IGFBP2: variants seen among roughly 807,000 people sequenced by gnomAD.
IGFBP2 encodes insulin like growth factor binding protein 2.
IGFBP2 carries 12 observed loss-of-function variants against 26.2 expected under a neutral mutation model. The observed-to-expected ratio is 0.46, with a 90% CI of 0.29 to 0.74. IGFBP2 has a LOEUF of 0.74. Ranked by LOEUF, IGFBP2 falls within the 30% of genes least tolerant of loss-of-function variation. The pLI is 0.09. For synonymous variants in IGFBP2, 189 were observed against 200.6 expected, an observed-to-expected ratio of 0.94 and a Z score of 0.49; for missense variants, 328 against 441.2, an observed-to-expected ratio of 0.74 and a Z score of 2.30.
intron 1 of IGFBP2, among the ~76,000 whole-genome samples, chr2:216,657,516 G>A (rs575427962): frequency 3.3e-5 from 5 of 152,138 alleles, no homozygotes; most frequent in East Asian, 1.9e-4. Context: ...GAAATCTGCC[G>A]CACGGTGGGG....
At chr2:216,650,908 G>A (rs1697807085) in intron 1 of IGFBP2, among the ~76,000 whole-genome samples, 3 of 152,300 alleles carry the variant, frequency 2.0e-5, no homozygotes, top group Non-Finnish European at 2.9e-5. Context: ...GGCTCAGGGG[G>A]TGAGAAGGAA....
chr2:216,634,770 CT>C (rs1220959075), intron 1 of IGFBP2, among the ~76,000 whole-genome samples: 3 of 142,260 alleles, frequency 2.1e-5, no homozygotes, highest in Non-Finnish European at 4.6e-5. Flanking sequence ...ACCCCCGCCC[CT>C]ATCTTAAATT....
intron 1 of IGFBP2, among the ~76,000 whole-genome samples, chr2:216,647,608 C>T (rs1022846732): frequency 6.6e-6 from 1 of 152,210 alleles, no homozygotes; most frequent in African/African-American, 2.4e-5. Flanking sequence ...CAAGCTCCGC[C>T]TCCCGGGTTT....
At chr2:216,649,008 A>G (rs1487905698) in intron 1 of IGFBP2, among the ~76,000 whole-genome samples, 1 of 152,162 alleles carries the variant, frequency 6.6e-6, no homozygotes, top group Non-Finnish European at 1.5e-5. Flanking sequence ...GGCGGTTGAT[A>G]TTTTGTCCAC....
chr2:216,657,569 G>A (rs1697942430), intron 1 of IGFBP2, among the ~76,000 whole-genome samples: 1 of 152,106 alleles, frequency 6.6e-6, no homozygotes, highest in Admixed American at 6.5e-5. Context: ...AGGCAGCTGA[G>A]CAGGGGCACT....
intron 3 of IGFBP2, 76 bp downstream of exon 3, chr2:216,662,074 A>T (rs939549582): frequency 6.8e-7 from 1 of 1,479,936 alleles, no homozygotes; most frequent in Non-Finnish European, 9.2e-7. Context: ...TTTCTGCCCC[A>T]CCCGCCTATG....
chr2:216,650,040 A>G (rs1697789059), intron 1 of IGFBP2, among the ~76,000 whole-genome samples: 1 of 152,228 alleles, frequency 6.6e-6, no homozygotes, highest in African/African-American at 2.4e-5. Flanking sequence ...AAGAAGAGGC[A>G]TTGTTCTCGC....
Position 216,660,833 on chromosome 2 carries a change from G to A in IGFBP2, c.672+47G>A, listed in dbSNP as rs1430634082. 2.0e-6 allele frequency: 3 copies of A among 1,465,170 alleles called. No individual in the cohort carries two copies. In the Admixed American group the frequency reaches 5.9e-5, roughly 29 times the overall value. The allele number at this position is 1,465,170 out of a possible 1,614,324, so 90.8% of individuals were successfully genotyped here. Reference sequence around the variant, plus strand: ...TGGAAGGGGTGGGAGGACAAGGAAAGTGGGGTCTCAGCTGGAGGAGGGCAT... The same window carrying A: ...TGGAAGGGGTGGGAGGACAAGGAAAATGGGGTCTCAGCTGGAGGAGGGCAT... On this transcript the variant is annotated intron_variant, in intron 2 of 3. Coordinates refer to ENST00000233809, the MANE Select transcript of IGFBP2 (RefSeq NM_000597.3).
In IGFBP2 at chr2:216,658,613, G is replaced by A. The variant is rs534106934; in HGVS notation, c.443-1944G>A. Among the ~76,000 whole-genome samples, 6 of 152,058 alleles carry A rather than the reference G, an allele frequency of 3.9e-5. No homozygotes were observed. The South Asian group carries it at 1.0e-3, about 26-fold the overall frequency. ...CGCCCAGGCTGGAGTACAATGGTGC[G>A]ATCTCAGCTCACTGCAACCTCCACC... On this transcript the variant is annotated intron_variant, in intron 1 of 3. Transcript: ENST00000233809.
At chr2:216,647,824 T>G (rs1367658166) in intron 1 of IGFBP2, among the ~76,000 whole-genome samples, 3 of 152,116 alleles carry the variant, frequency 2.0e-5, no homozygotes, top group Non-Finnish European at 4.4e-5. Context: ...CCGGCCCTTA[T>G]TTATTTGTTT....
intron 1 of IGFBP2, among the ~76,000 whole-genome samples, chr2:216,648,806 A>G (rs932612129): frequency 1.3e-5 from 2 of 152,046 alleles, no homozygotes; most frequent in African/African-American, 4.8e-5. Flanking sequence ...ACGGGGTTTC[A>G]CCATATTGGC....
intron 1 of IGFBP2, among the ~76,000 whole-genome samples, chr2:216,641,334 C>A (rs997343026): frequency 2.4e-4 from 37 of 152,308 alleles, no homozygotes; most frequent in African/African-American, 7.9e-4. Context: ...GTACTAATCA[C>A]CCAAGGTAAG....
intron 1 of IGFBP2, among the ~76,000 whole-genome samples, chr2:216,637,881 A>AGTTCAGTGGCACGATCTCGGCTCACTGC (rs1697530962): frequency 6.6e-6 from 1 of 152,188 alleles, no homozygotes; most frequent in African/African-American, 2.4e-5. Flanking sequence ...CAGAGGCTGG[A>AGTTCAGTGGCACGATCTCGGCTCACTGC]AATTAGTTCT....
chr2:216,650,545 G>A (rs1468627725), intron 1 of IGFBP2, among the ~76,000 whole-genome samples: 1 of 152,204 alleles, frequency 6.6e-6, no homozygotes, highest in Non-Finnish European at 1.5e-5. Flanking sequence ...TCTCCTGTAG[G>A]TGTTTTGTCA....
At chr2:216,642,238 T>A (rs542855687) in intron 1 of IGFBP2, among the ~76,000 whole-genome samples, 1 of 151,350 alleles carries the variant, frequency 6.6e-6, no homozygotes, top group Non-Finnish European at 1.5e-5. Flanking sequence ...GACCTCATGA[T>A]CCGCCCACCT....
At chr2:216,657,495 G>T (rs1468076247) in intron 1 of IGFBP2, among the ~76,000 whole-genome samples, 1 of 152,158 alleles carries the variant, frequency 6.6e-6, no homozygotes, top group Non-Finnish European at 1.5e-5. Context: ...TGTGGACCTG[G>T]TGGCGCTGAA....
chr2:216,635,358 AC>A (rs984148785), intron 1 of IGFBP2, among the ~76,000 whole-genome samples: 14 of 152,114 alleles, frequency 9.2e-5, no homozygotes, highest in Non-Finnish European at 1.9e-4. Flanking sequence ...TTAGAAAGTA[AC>A]AATAAAAGGA....
At chr2:216,642,306 ATTTT>A (rs78737054) in intron 1 of IGFBP2, among the ~76,000 whole-genome samples, 1 of 93,806 alleles carries the variant, frequency 1.1e-5, no homozygotes. Flanking sequence ...CTAGGCTTGC[ATTTT>A]TTTTTTTTTT....
At chr2:216,659,840 G>C in intron 1 of IGFBP2, 1 of 988,108 alleles carries the variant, frequency 1.0e-6, no homozygotes. Context: ...GACAGACTTG[G>C]GAACGAGGGA....
Sources: gnomAD v4.1 joint callset for allele counts (sites outside exome capture counted in the v4.1 genomes callset) on GRCh38, gnomAD v4.1.1 for gene constraint, MANE v1.5 for transcripts, NCBI Gene and HGNC (gene_info 2026-07-23, HGNC 2026-07-21) for gene names.